OSBPL8: variants seen among roughly 807,000 people sequenced by gnomAD.
OSBPL8 encodes the protein oxysterol binding protein like 8, also known as oxysterol-binding protein-related protein 8.
A neutral mutation model predicts 125.5 loss-of-function variants in OSBPL8; 59 were observed. The observed-to-expected ratio is 0.47, with a 90% confidence interval of 0.38 to 0.58. OSBPL8 has a LOEUF of 0.58. OSBPL8 is among the 20% of genes least tolerant of loss of function. OSBPL8 has a pLI of 0.00. For missense variants in OSBPL8, 758 were observed against 1,047.8 expected, an observed-to-expected ratio of 0.72 and a Z score of 3.82; for synonymous variants, 330 against 338.9, an observed-to-expected ratio of 0.97 and a Z score of 0.29.
At chr12:76,447,237 G>A (rs1260921047) in intron 4 of OSBPL8, among the ~76,000 whole-genome samples, 8 of 152,142 alleles carry the variant, frequency 5.3e-5, no homozygotes, top group Non-Finnish European at 8.8e-5. Context: ...AAGTCATAAA[G>A]AATGAAAAGA....
chr12:76,526,297 T>C (rs59742651), intron 1 of OSBPL8, among the ~76,000 whole-genome samples: 5,996 of 152,296 alleles, frequency 0.039, 360 homozygotes, highest in African/African-American at 0.13. Context: ...TTTATTGATA[T>C]ATATATCACA....
intron 4 of OSBPL8, among the ~76,000 whole-genome samples, chr12:76,446,160 T>C (rs951115437): frequency 6.6e-6 from 1 of 152,182 alleles, no homozygotes; most frequent in Admixed American, 6.5e-5. Flanking sequence ...CCTTTAAATG[T>C]TATGCACTAT....
intron 2 of OSBPL8, among the ~76,000 whole-genome samples, chr12:76,466,962 CAA>C (rs775342431): frequency 7.7e-6 from 1 of 130,248 alleles, no homozygotes; most frequent in African/African-American, 2.8e-5. Context: ...AACTCTGTCT[CAA>C]AAAAAAAAAA....
At chr12:76,549,138 G>A (rs568576402) in intron 1 of OSBPL8, among the ~76,000 whole-genome samples, 13 of 151,762 alleles carry the variant, frequency 8.6e-5, no homozygotes, top group Admixed American at 7.2e-4. Flanking sequence ...ATGAGAGAAG[G>A]AAGATCAAGA....
intron 20 of OSBPL8, 90 bp from the exon 21 acceptor site, chr12:76,369,391 A>G (rs1486144066): frequency 1.7e-5 from 25 of 1,469,586 alleles, no homozygotes; most frequent in Non-Finnish European, 2.2e-5. Context: ...TTTTATTAAT[A>G]ATTATATACA....
intron 21 of OSBPL8, 149 bp from the exon 22 acceptor site, chr12:76,358,960 T>C: frequency 1.5e-6 from 1 of 652,694 alleles, no homozygotes; most frequent in Non-Finnish European, 2.7e-6. Flanking sequence ...TTAACAAATG[T>C]GATGCACTTA....
chr12:76,544,578 G>C (rs908510601), intron 1 of OSBPL8, among the ~76,000 whole-genome samples: 7 of 152,086 alleles, frequency 4.6e-5, no homozygotes, highest in African/African-American at 1.7e-4. Context: ...ACAACTCATA[G>C]ACATGCCTGA....
chr12:76,499,540 A>G (rs1879676365), intron 1 of OSBPL8, among the ~76,000 whole-genome samples: 1 of 152,062 alleles, frequency 6.6e-6, no homozygotes, highest in Non-Finnish European at 1.5e-5. Flanking sequence ...CCAGCCCAGT[A>G]AAAGCCTTTA....
At chr12:76,393,736 A>AAT (rs1555212855) in intron 9 of OSBPL8, among the ~76,000 whole-genome samples, 1 of 143,968 alleles carries the variant, frequency 6.9e-6, no homozygotes, top group Non-Finnish European at 1.5e-5. Context: ...AAAAAAAAAA[A>AAT]TCTGAGGCCA....
chr12:76,432,400 C>A (rs768346510), intron 4 of OSBPL8, among the ~76,000 whole-genome samples: 2 of 151,836 alleles, frequency 1.3e-5, no homozygotes, highest in Non-Finnish European at 2.9e-5. Context: ...GGCAACCCAG[C>A]GGGACCGTGT....
At chr12:76,474,846 T>C (rs922669205) in intron 2 of OSBPL8, among the ~76,000 whole-genome samples, 2 of 152,208 alleles carry the variant, frequency 1.3e-5, no homozygotes, top group Non-Finnish European at 2.9e-5. Context: ...TATAAATTCA[T>C]CACCCAATCC....
At chr12:76,449,449 A>G (rs1470653421) in intron 4 of OSBPL8, among the ~76,000 whole-genome samples, 2 of 152,176 alleles carry the variant, frequency 1.3e-5, no homozygotes, top group African/African-American at 4.8e-5. Flanking sequence ...ATACTTTTTC[A>G]TTATGTTGCC....
chr12:76,491,022 G>C (rs755248833), intron 1 of OSBPL8, among the ~76,000 whole-genome samples: 2 of 152,194 alleles, frequency 1.3e-5, no homozygotes, highest in African/African-American at 4.8e-5. Flanking sequence ...GTTTGATCCT[G>C]CTGACACTGA....
chr12:76,496,551 T>A (rs1879296032), intron 1 of OSBPL8, among the ~76,000 whole-genome samples: 1 of 151,906 alleles, frequency 6.6e-6, no homozygotes, highest in Non-Finnish European at 1.5e-5. Flanking sequence ...TACATTTTTT[T>A]TTTTTTGAGA....
At chr12:76,529,496 G>A (rs1950273839) in intron 1 of OSBPL8, among the ~76,000 whole-genome samples, 1 of 148,856 alleles carries the variant, frequency 6.7e-6, no homozygotes, top group Admixed American at 6.7e-5. Context: ...TGTCATGCCA[G>A]CTCTGGATTA....
chr12:76,443,040 A>G (rs545521110), intron 4 of OSBPL8, among the ~76,000 whole-genome samples: 42 of 152,322 alleles, frequency 2.8e-4, no homozygotes, highest in African/African-American at 1.0e-3. Flanking sequence ...GTACTAAGGG[A>G]TAAGAGACAC....
intron 1 of OSBPL8, among the ~76,000 whole-genome samples, chr12:76,494,602 CTG>C (rs1409197190): frequency 6.6e-6 from 1 of 152,050 alleles, no homozygotes; most frequent in African/African-American, 2.4e-5. Context: ...TCCTGAAAAA[CTG>C]AATATGGCGT....
chr12:76,359,778 A>C (rs1385347413), intron 21 of OSBPL8, among the ~76,000 whole-genome samples: 1 of 152,216 alleles, frequency 6.6e-6, no homozygotes, highest in Non-Finnish European at 1.5e-5. Context: ...CGTGAGACTT[A>C]TTCACTACCA....
intron 1 of OSBPL8, among the ~76,000 whole-genome samples, chr12:76,519,234 T>C (rs534833954): frequency 6.6e-6 from 1 of 152,182 alleles, no homozygotes; most frequent in Non-Finnish European, 1.5e-5. Context: ...AAGTTCGACC[T>C]TCCACAGAAC....
Sources: allele counts gnomAD v4.1 joint callset (sites outside exome capture counted in the v4.1 genomes callset), GRCh38; gene constraint gnomAD v4.1.1; transcripts MANE v1.5; gene names NCBI Gene and HGNC (gene_info 2026-07-23, HGNC 2026-07-21).